BIN2: variants seen among roughly 807,000 people sequenced by gnomAD.
The protein encoded by BIN2 is bridging integrator 2.
Under a neutral mutation model 67.9 loss-of-function variants are expected in BIN2, and 43 were observed. The observed-to-expected ratio is 0.63, with a 90% confidence interval of 0.50 to 0.82. The LOEUF (loss-of-function observed/expected upper bound fraction) is 0.82. Among genes scored for constraint, BIN2 ranks in the 40% least tolerant of loss-of-function variants. The pLI is 0.00. For missense variants in BIN2, 581 were observed against 671.6 expected, an observed-to-expected ratio of 0.87 and a Z score of 1.49; for synonymous variants, 244 against 246.8, an observed-to-expected ratio of 0.99 and a Z score of 0.11.
intron 4 of BIN2, 79 bp from the exon 5 acceptor site, chr12:51,302,194 C>T: frequency 2.0e-6 from 2 of 1,022,164 alleles, no homozygotes; most frequent in Non-Finnish European, 3.0e-6. Context: ...CCAAATTCTC[C>T]CTGCAAAAAC....
At chr12:51,298,911 A>C (rs1377007790) in intron 7 of BIN2, among the ~76,000 whole-genome samples, 1 of 151,960 alleles carries the variant, frequency 6.6e-6, no homozygotes, top group Admixed American at 6.6e-5. Flanking sequence ...TCTACTAAAA[A>C]TACAAAAAAA....
In BIN2 at chr12:51,292,233, T is replaced by C. The variant is rs756896405; in HGVS notation, c.873A>G (p.Glu291=). Residue 291 remains glutamate, a synonymous_variant, in exon 10 of 13, where the codon GAA becomes GAG. Transcript: ENST00000615107. ...PSTLSLKSES[E]SVSATEDLAP... is the part of the protein sequence containing the mutation. The stretch of plus-strand genomic sequence containing the variant: ...CCAGATCTTCAGTTGCTGAGACAGA[T>C]TCACTCTCACTCTTCAAGGAAAGTG... 1 of 1,607,696 alleles carries C rather than the reference T, an allele frequency of 6.2e-7. No individual in the cohort carries two copies. The highest frequency in any genetic ancestry group is 1.7e-5 in the Admixed American group (1 of 59,994).
intron 1 of BIN2, among the ~76,000 whole-genome samples, chr12:51,318,453 G>C (rs1023775105): frequency 2.0e-5 from 3 of 152,086 alleles, no homozygotes; most frequent in Non-Finnish European, 4.4e-5. Flanking sequence ...GTAGAGACAG[G>C]GTTTCGCCAT....
At chr12:51,286,265 G>A (rs1185924350) in intron 11 of BIN2, among the ~76,000 whole-genome samples, 5 of 152,248 alleles carry the variant, frequency 3.3e-5, no homozygotes, top group Non-Finnish European at 5.9e-5. Context: ...AGGCTTCAGA[G>A]GATTGATGAC....
chr12:51,303,945 T>C (rs998872236), intron 2 of BIN2, among the ~76,000 whole-genome samples: 20 of 152,190 alleles, frequency 1.3e-4, no homozygotes, highest in Non-Finnish European at 5.9e-5. Flanking sequence ...TTAAACTAGC[T>C]CTGTTAAAAC....
rs1168899685 is a variant in BIN2 at position 51,305,826 on chromosome 12, CT to C, written c.163-2686del. Among the ~76,000 whole-genome samples the C allele has an allele frequency of 7.7e-3, 632 of 82,372 alleles. 9 individuals are homozygous for C. The East Asian group carries it at 0.11, about 15-fold the overall frequency. 54.0% of individuals were successfully genotyped at this position (82,372 alleles called of 152,430 possible). Reference sequence around the variant, plus strand: ...GCCTCCAGAGCTCACTGTTTTCTTTCTTTTTTTTTTTTTTTTTTTTTTTTTG... The same window carrying C: ...GCCTCCAGAGCTCACTGTTTTCTTTCTTTTTTTTTTTTTTTTTTTTTTTTG... On this transcript the variant is annotated intron_variant, in intron 2 of 12. Coordinates refer to ENST00000615107, the MANE Select transcript of BIN2 (RefSeq NM_016293.4).
In BIN2 at chr12:51,297,172, G is replaced by A. The variant is rs1565677368; in HGVS notation, c.603-8C>T. 9 of 1,611,776 alleles carry A rather than the reference G, an allele frequency of 5.6e-6. No homozygotes were observed. The highest frequency in any genetic ancestry group is 7.6e-6 in the Non-Finnish European group (9 of 1,177,968). On this transcript the variant is annotated splice_polypyrimidine_tract_variant and splice_region_variant and intron_variant, in intron 7 of 12. Transcript: ENST00000615107. The stretch of plus-strand genomic sequence containing the variant: ...ACATAGCAGCCAATACGACTATTAG[G>A]AAGCAAAACCACAAACACATACGAG...
chr12:51,288,153 T>G lies in BIN2; in HGVS notation c.1551A>C (p.Glu517Asp). 1 of 1,614,004 alleles carries G rather than the reference T, an allele frequency of 6.2e-7. No homozygotes were observed. Among genetic ancestry groups the G allele is most frequent in the Non-Finnish European group, 8.5e-7 (1 of 1,179,846 alleles). ...TAAGCTTATTATCCTTTTCCTTGTC[T>G]TCCATCTTCTTTGCCTCTCCAGGCT... is the stretch of plus-strand genomic sequence containing the variant. ...ASEPGEAKKM[E>D]DKEKDNKLIS... The change falls in exon 11 of 13, where the codon GAA (glutamate) becomes GAC (aspartate). Residue 517 changes from glutamate to aspartate, a missense_variant. Coordinates refer to ENST00000615107, the MANE Select transcript of BIN2 (RefSeq NM_016293.4).
intron 9 of BIN2, among the ~76,000 whole-genome samples, chr12:51,293,739 G>A (rs79771928): frequency 0.037 from 5,692 of 152,192 alleles, 121 homozygotes; most frequent in East Asian, 0.099. Flanking sequence ...GATGCTCAAG[G>A]AAACTAGCAA....
intron 2 of BIN2, among the ~76,000 whole-genome samples, chr12:51,311,945 T>C (rs1946007935): frequency 6.6e-6 from 1 of 152,124 alleles, no homozygotes; most frequent in African/African-American, 2.4e-5. Context: ...CTAATTTTTG[T>C]ATTTTTAGTA....
intron 7 of BIN2, among the ~76,000 whole-genome samples, chr12:51,298,423 C>A (rs954276530): frequency 1.3e-5 from 2 of 151,978 alleles, no homozygotes; most frequent in East Asian, 3.9e-4. Flanking sequence ...TGTGGTGGCA[C>A]GTGCCTGTAG....
Position 51,308,115 on chromosome 12 carries a change from C to G in BIN2, c.163-4974G>C, listed in dbSNP as rs546414380. Among the ~76,000 whole-genome samples, 10 of 152,132 alleles carry G rather than the reference C, an allele frequency of 6.6e-5. No homozygotes were observed. In the South Asian group the frequency reaches 1.0e-3, roughly 16 times the overall value. On this transcript the variant is annotated intron_variant, in intron 2 of 12. Transcript: ENST00000615107. The stretch of plus-strand genomic sequence containing the variant: ...TTCTTTCTCTGACCTATCTGTCCCC[C>G]CCTGGAATATATCCAGGCTGAATAA...
chr12:51,305,116 C>T (rs1945835680), intron 2 of BIN2, among the ~76,000 whole-genome samples: 1 of 151,916 alleles, frequency 6.6e-6, no homozygotes, highest in African/African-American at 2.4e-5. Context: ...GCAGGTGGAT[C>T]ACCCGAGGTC....
chr12:51,294,818 G>A lies in BIN2; in HGVS notation c.761+978C>T, dbSNP rs187811079. Among the ~76,000 whole-genome samples, 49 of 152,248 alleles carry A rather than the reference G, an allele frequency of 3.2e-4. No individual in the cohort carries two copies. In the East Asian group the frequency reaches 5.4e-3, roughly 17 times the overall value. ...CAGAAAGAAAAAGTGAGTGGGGAAG[G>A]AACATTGGGAACTTCAGCTATATTT... On this transcript the variant is annotated intron_variant, in intron 9 of 12. Coordinates refer to ENST00000615107, the MANE Select transcript of BIN2 (RefSeq NM_016293.4).
intron 1 of BIN2, among the ~76,000 whole-genome samples, chr12:51,315,595 T>G (rs371093010): frequency 3.9e-5 from 6 of 152,276 alleles, no homozygotes; most frequent in Non-Finnish European, 4.4e-5. Context: ...CCTGAAGACA[T>G]TTTTTACTTG....
At chr12:51,297,248 C>T in intron 7 of BIN2, 84 bp from the exon 8 acceptor site, 1 of 1,320,130 alleles carries the variant, frequency 7.6e-7, no homozygotes. Context: ...AGGACTTAAG[C>T]CAAAACCAGC....
At chr12:51,297,554 G>A (rs1193958079) in intron 7 of BIN2, among the ~76,000 whole-genome samples, 2 of 151,966 alleles carry the variant, frequency 1.3e-5, no homozygotes, top group Non-Finnish European at 2.9e-5. Flanking sequence ...GCGACAGAGC[G>A]AGACTCTATT....
chr12:51,291,968 G>A lies in BIN2; in HGVS notation c.1138C>T (p.Pro380Ser). 6.2e-7 allele frequency: 1 copy of A among 1,614,154 alleles called. No homozygotes were observed. The highest frequency in any genetic ancestry group is 1.1e-5 in the South Asian group (1 of 91,084). ...PGGALSPSGQ[P>S]SSSATEVVLR... ...ACTACTTCTGTGGCAGATGATGAAG[G>A]CTGCCCTGAAGGGCTCAGGGCTCCG... Residue 380 changes from proline to serine, a missense_variant, in exon 10 of 13, where the codon CCT becomes TCT. By Grantham distance (74) the Pro-to-Ser change is moderately conservative (BLOSUM62 -1). Coordinates refer to ENST00000615107, the MANE Select transcript of BIN2 (RefSeq NM_016293.4).
intron 1 of BIN2, among the ~76,000 whole-genome samples, chr12:51,318,824 T>G (rs978329977): frequency 1.3e-5 from 2 of 152,206 alleles, no homozygotes; most frequent in African/African-American, 4.8e-5. Flanking sequence ...AGAGCTGCCC[T>G]ACAAAGAGCA....
Sources: allele counts gnomAD v4.1 joint callset (sites outside exome capture counted in the v4.1 genomes callset), GRCh38; gene constraint gnomAD v4.1.1; transcripts MANE v1.5; gene names NCBI Gene and HGNC (gene_info 2026-07-23, HGNC 2026-07-21).